Variants in CTNNA3 observed in about 807,000 individuals in gnomAD.
CTNNA3 encodes the protein catenin alpha-3.
A neutral mutation model predicts 95.7 loss-of-function variants in CTNNA3; 76 were observed. The observed-to-expected ratio is 0.79, with a 90% CI of 0.66 to 0.96. The LOEUF (loss-of-function observed/expected upper bound fraction) is 0.96. Among genes scored for constraint, CTNNA3 ranks in the 40% least tolerant of loss-of-function variants. The pLI is 0.00. For synonymous variants in CTNNA3, 431 were observed against 374.4 expected (o/e 1.15, Z -1.74); for missense variants, 1,191 against 1,089.8 (o/e 1.09, Z -1.31).
rs929436325 is a variant in CTNNA3 at position 66,318,546 on chromosome 10, A to T, written c.1733-37925T>A. Among the ~76,000 whole-genome samples, 8 of 151,864 alleles carry T rather than the reference A, an allele frequency of 5.3e-5. 1 individual carries two copies. The highest frequency in any genetic ancestry group is 8.8e-5 in the Non-Finnish European group (6 of 67,936). ...GCCAAGCTTCCTCTCCAATATCCATATGCCACATGTTTTTCCTCATCCATG... is the reference window on the plus strand; with the variant it reads ...GCCAAGCTTCCTCTCCAATATCCATTTGCCACATGTTTTTCCTCATCCATG... On this transcript the variant is annotated intron_variant, in intron 12 of 17. Coordinates refer to ENST00000433211, the MANE Select transcript of CTNNA3 (RefSeq NM_013266.4).
At chr10:67,715,612 C>T (rs1362606946) in intron 1 of CTNNA3, among the ~76,000 whole-genome samples, 1 of 152,020 alleles carries the variant, frequency 6.6e-6, no homozygotes, top group East Asian at 1.9e-4. Context: ...GTGATGATTC[C>T]CTATTTCAGG....
intron 7 of CTNNA3, among the ~76,000 whole-genome samples, chr10:67,138,700 T>C (rs1040488187): frequency 5.3e-5 from 8 of 152,208 alleles, no homozygotes; most frequent in African/African-American, 1.4e-4. Flanking sequence ...GCTTCTCAGA[T>C]GATTTGCCCA....
At chr10:67,371,369 T>TCCCTCCC in intron 5 of CTNNA3, among the ~76,000 whole-genome samples, 1 of 134,238 alleles carries the variant, frequency 7.4e-6, no homozygotes, top group East Asian at 2.4e-4. Context: ...CCTAATGCTA[T>TCCCTCCC]CCCTCCCCCC....
chr10:66,189,272 C>CAAAAAAAAAAAA (rs36036764), intron 13 of CTNNA3, among the ~76,000 whole-genome samples: 1 of 126,454 alleles, frequency 7.9e-6, no homozygotes, highest in Non-Finnish European at 1.7e-5. Context: ...GGAGTTCTAT[C>CAAAAAAAAAAAA]AAAAAAAAAA....
chr10:66,435,885 T>C (rs1407153103), intron 11 of CTNNA3, among the ~76,000 whole-genome samples: 1 of 152,226 alleles, frequency 6.6e-6, no homozygotes, highest in Non-Finnish European at 1.5e-5. Context: ...TGTGTCTTTG[T>C]TCTTATTGGT....
chr10:67,443,881 T>A (rs1160313130), intron 5 of CTNNA3, among the ~76,000 whole-genome samples: 8 of 152,300 alleles, frequency 5.3e-5, no homozygotes, highest in African/African-American at 1.9e-4. Context: ...CATGCCTATG[T>A]CCTGAATGGT....
At chr10:66,634,251 G>A (rs555269600) in intron 9 of CTNNA3, among the ~76,000 whole-genome samples, 11 of 152,092 alleles carry the variant, frequency 7.2e-5, no homozygotes, top group African/African-American at 1.7e-4. Context: ...CACTTATTGC[G>A]AAGCCTGAAG....
rs1366936786 is a variant in CTNNA3 at position 66,188,593 on chromosome 10, CTCTGTG to C, written c.1885-85350_1885-85345del. Among the ~76,000 whole-genome samples the C allele has an allele frequency of 5.3e-3, 550 of 104,602 alleles. 2 individuals carry two copies. Among genetic ancestry groups the C allele is most frequent in the African/African-American group, 0.013 (374 of 28,646 alleles). The allele number at this position is 104,602 out of a possible 152,430, so 68.6% of individuals were successfully genotyped here. ...GTGTGTGTGTGGGGGGAGGGGGGGT[CTCTGTG>C]TGTGTGTGTGTGTGTGTGTGTGTGT... On this transcript the variant is annotated intron_variant, in intron 13 of 17. Transcript: ENST00000433211.
At chr10:66,671,260 GCAATAA>G (rs1564608829) in intron 9 of CTNNA3, among the ~76,000 whole-genome samples, 1 of 152,060 alleles carries the variant, frequency 6.6e-6, no homozygotes, top group East Asian at 1.9e-4. Flanking sequence ...AAAATATGAC[GCAATAA>G]CAATATTACA....
At chr10:67,079,993 GT>G (rs1289150990) in intron 7 of CTNNA3, among the ~76,000 whole-genome samples, 29 of 152,048 alleles carry the variant, frequency 1.9e-4, no homozygotes, top group African/African-American at 6.7e-4. Context: ...GAGGAGGGTG[GT>G]TGTACAAGGT....
intron 7 of CTNNA3, among the ~76,000 whole-genome samples, chr10:67,102,624 A>T (rs1858405686): frequency 6.6e-6 from 1 of 151,878 alleles, no homozygotes; most frequent in African/African-American, 2.4e-5. Flanking sequence ...TCTTCCTGAA[A>T]AGGTGAGTGA....
At position 67,248,040 on chromosome 10, in the gene CTNNA3, G is replaced by A. The variant is rs149028817; in HGVS notation, c.580-28170C>T. ...AATACAGAAAGGATACTCTTTTCAGGCCTCGTGCAGTGGCTCACGCCTGTA... is the reference window on the plus strand; with the variant it reads ...AATACAGAAAGGATACTCTTTTCAGACCTCGTGCAGTGGCTCACGCCTGTA... On this transcript the variant is annotated intron_variant, in intron 5 of 17. Coordinates refer to ENST00000433211, the MANE Select transcript of CTNNA3 (RefSeq NM_013266.4). 6.6e-3 allele frequency among the ~76,000 whole-genome samples: 1,010 copies of A among 152,260 alleles called. 9 individuals carry two copies. Among genetic ancestry groups the A allele is most frequent in the African/African-American group, 0.019 (798 of 41,566 alleles).
intron 7 of CTNNA3, among the ~76,000 whole-genome samples, chr10:67,025,027 G>C (rs552475700): frequency 4.0e-5 from 6 of 151,768 alleles, no homozygotes; most frequent in African/African-American, 1.4e-4. Context: ...CTACTCGGGA[G>C]GCTGAGGCAG....
intron 5 of CTNNA3, among the ~76,000 whole-genome samples, chr10:67,342,837 C>G (rs181111424): frequency 1.4e-3 from 218 of 152,260 alleles, no homozygotes; most frequent in Non-Finnish European, 2.8e-3. Context: ...GTATTGGTTA[C>G]TATAGCTCTG....
At chr10:67,516,009 C>T (rs1589380532) in intron 5 of CTNNA3, among the ~76,000 whole-genome samples, 1 of 152,104 alleles carries the variant, frequency 6.6e-6, no homozygotes, top group South Asian at 2.1e-4. Context: ...GTCACCCAGG[C>T]TGGAGTGCAA....
intron 5 of CTNNA3, among the ~76,000 whole-genome samples, chr10:67,382,492 A>G (rs940396687): frequency 6.6e-6 from 1 of 152,220 alleles, no homozygotes; most frequent in Admixed American, 6.5e-5. Context: ...TATTAGAAAA[A>G]TATAATATGT....
intron 5 of CTNNA3, among the ~76,000 whole-genome samples, chr10:67,373,608 C>T (rs1843571147): frequency 6.9e-6 from 1 of 144,026 alleles, no homozygotes; most frequent in Admixed American, 6.9e-5. Flanking sequence ...TTGAACTCAG[C>T]TCTGCACCAA....
intron 13 of CTNNA3, among the ~76,000 whole-genome samples, chr10:66,151,596 A>C (rs1030460014): frequency 6.6e-6 from 1 of 151,992 alleles, no homozygotes; most frequent in Admixed American, 6.6e-5. Context: ...TTGGATTTCT[A>C]GAATGTACTA....
chr10:67,524,372 T>A (rs1589388251), intron 4 of CTNNA3, among the ~76,000 whole-genome samples: 1 of 126,422 alleles, frequency 7.9e-6, no homozygotes, highest in South Asian at 2.5e-4. Flanking sequence ...CACTCCAGCC[T>A]GGGCGACAGC....
Sources: gnomAD v4.1 joint callset for allele counts (sites outside exome capture counted in the v4.1 genomes callset) on GRCh38, gnomAD v4.1.1 for gene constraint, MANE v1.5 for transcripts, NCBI Gene and HGNC (gene_info 2026-07-23, HGNC 2026-07-21) for gene names.